Variants in PRKN observed in about 807,000 individuals in gnomAD.
PRKN encodes the protein parkin RBR E3 ubiquitin protein ligase, also known as E3 ubiquitin-protein ligase parkin.
PRKN carries 56 observed loss-of-function variants against 59.5 expected under a neutral mutation model. That is an observed-to-expected ratio of 0.94 (90% CI 0.76 to 1.18). The LOEUF (loss-of-function observed/expected upper bound fraction) is 1.18. Ranked by LOEUF, PRKN falls within the 50% of genes most tolerant of loss-of-function variation. The probability of loss-of-function intolerance (pLI) is 0.00; values close to 1 mark genes in which losing one functional copy is unlikely to be tolerated. For missense variants in PRKN, 657 were observed against 596.4 expected (o/e 1.10, Z -1.06); for synonymous variants, 250 against 222.1 (o/e 1.13, Z -1.12).
At chr6:161,689,925 G>A (rs1224424977) in intron 7 of PRKN, among the ~76,000 whole-genome samples, 1 of 116,648 alleles carries the variant, frequency 8.6e-6, no homozygotes. Flanking sequence ...GGCCAGGCTG[G>A]TCTCGAGCTC....
chr6:162,458,993 G>GT (rs895597885), intron 1 of PRKN, among the ~76,000 whole-genome samples: 13 of 151,826 alleles, frequency 8.6e-5, no homozygotes, highest in East Asian at 1.9e-4. Context: ...GCTAATTTTT[G>GT]TTTTTTTAGT....
intron 4 of PRKN, among the ~76,000 whole-genome samples, chr6:162,153,090 C>A (rs1026345133): frequency 6.6e-6 from 1 of 152,222 alleles, no homozygotes; most frequent in Non-Finnish European, 1.5e-5. Context: ...GTGTTCAAGG[C>A]TAGAAAATAG....
intron 6 of PRKN, among the ~76,000 whole-genome samples, chr6:161,874,907 A>G (rs1168757577): frequency 9.2e-6 from 1 of 109,066 alleles, no homozygotes; most frequent in East Asian, 2.6e-4. Context: ...TATAATATAT[A>G]TTATAAAATA....
At chr6:162,398,220 T>C (rs1787573196) in intron 2 of PRKN, among the ~76,000 whole-genome samples, 1 of 152,124 alleles carries the variant, frequency 6.6e-6, no homozygotes, top group Non-Finnish European at 1.5e-5. Context: ...AAAAGGCTTC[T>C]AGTATCATTT....
chr6:162,727,368 A>C, intron 1 of PRKN: 1 of 421,014 alleles, frequency 2.4e-6, no homozygotes, highest in East Asian at 5.0e-5. Context: ...GGTCCGGGGG[A>C]CCGCGAACGA....
chr6:162,295,080 G>C (rs549256315), intron 2 of PRKN, among the ~76,000 whole-genome samples: 1 of 152,308 alleles, frequency 6.6e-6, no homozygotes, highest in East Asian at 1.9e-4. Context: ...ATATTAACTA[G>C]GCAAGTTGTA....
At chr6:162,306,412 G>C (rs1046545544) in intron 2 of PRKN, among the ~76,000 whole-genome samples, 1 of 152,188 alleles carries the variant, frequency 6.6e-6, no homozygotes, top group Non-Finnish European at 1.5e-5. Context: ...ATTACTTCTT[G>C]TGCATCTAAA....
At position 161,867,740 on chromosome 6, in the gene PRKN, CATTT is replaced by C. The variant is rs58083987; in HGVS notation, c.735-81836_735-81833del. On this transcript the variant is annotated intron_variant, in intron 6 of 11. Transcript: ENST00000366898. Reference sequence around the variant, plus strand: ...ATTAGCAATCATGGGAAAAATCTTTCATTTATTTATTTATTTATTTATTTATTTA... The same window carrying C: ...ATTAGCAATCATGGGAAAAATCTTTCATTTATTTATTTATTTATTTATTTA... 5.8e-3 allele frequency among the ~76,000 whole-genome samples: 800 copies of C among 137,600 alleles called. 7 individuals are homozygous for C. The highest frequency in any genetic ancestry group is 0.022 in the African/African-American group (740 of 34,194). The allele number at this position is 137,600 out of a possible 152,430, so 90.3% of individuals were successfully genotyped here.
intron 5 of PRKN, among the ~76,000 whole-genome samples, chr6:162,003,675 C>T (rs1212156734): frequency 6.6e-6 from 1 of 152,116 alleles, no homozygotes; most frequent in African/African-American, 2.4e-5. Flanking sequence ...TATAAATATA[C>T]CATAACTTGT....
In PRKN at chr6:161,475,509, T is replaced by A. The variant is rs915194379; in HGVS notation, c.1083+73345A>T. On this transcript the variant is annotated intron_variant, in intron 9 of 11. Coordinates refer to ENST00000366898, the MANE Select transcript of PRKN (RefSeq NM_004562.3). The surrounding 1 kb of genome is among the most constrained non-coding windows in gnomAD (Gnocchi z 5.3). ...ACGGTATTGACTTGTTATTTTTATT[T>A]ACATATATTTTTGAGACGAGGTCTC... 1.3e-5 allele frequency among the ~76,000 whole-genome samples: 2 copies of A among 152,218 alleles called. No individual in the cohort carries two copies. Among genetic ancestry groups the A allele is most frequent in the Non-Finnish European group, 2.9e-5 (2 of 68,038 alleles).
chr6:162,607,461 A>C (rs986852971), intron 1 of PRKN, among the ~76,000 whole-genome samples: 4 of 152,104 alleles, frequency 2.6e-5, no homozygotes, highest in African/African-American at 9.7e-5. Flanking sequence ...CAGAAGCACA[A>C]CTTTACCCAT....
At chr6:162,284,344 C>T (rs150168881) in intron 2 of PRKN, among the ~76,000 whole-genome samples, 78 of 150,930 alleles carry the variant, frequency 5.2e-4, no homozygotes, top group African/African-American at 1.7e-3. Context: ...CTTGCCTCAG[C>T]CTCCCAAGTA....
intron 6 of PRKN, among the ~76,000 whole-genome samples, chr6:161,853,138 G>A (rs1793505366): frequency 6.6e-6 from 1 of 152,204 alleles, no homozygotes. Flanking sequence ...GAAGACAGCA[G>A]GTGGAGGTTA....
At chr6:161,902,524 G>A (rs1014967566) in intron 6 of PRKN, among the ~76,000 whole-genome samples, 2 of 133,064 alleles carry the variant, frequency 1.5e-5, no homozygotes, top group Non-Finnish European at 3.1e-5. Flanking sequence ...ATAGACATCC[G>A]TCTATCTATC....
intron 8 of PRKN, among the ~76,000 whole-genome samples, chr6:161,565,959 C>T (rs1372405817): frequency 6.6e-6 from 1 of 152,186 alleles, no homozygotes; most frequent in African/African-American, 2.4e-5. Context: ...CCCATGCCTA[C>T]ATCCAAGGAC....
intron 3 of PRKN, among the ~76,000 whole-genome samples, chr6:162,208,551 A>C (rs1562581774): frequency 1.3e-5 from 2 of 152,098 alleles, no homozygotes; most frequent in African/African-American, 2.4e-5. Context: ...TTTCATTTTG[A>C]AAATAATAAT....
At chr6:162,157,489 G>A (rs2023055) in intron 4 of PRKN, among the ~76,000 whole-genome samples, 142,682 of 152,118 alleles carry the variant, frequency 0.94, 67,422 homozygotes, top group Non-Finnish European at 1. Context: ...TGCTCCAGCT[G>A]AAAGATGGTC....
rs1246078756 is a variant in PRKN at position 161,377,272 on chromosome 6, G to A, written c.1167+9522C>T. Reference sequence around the variant, plus strand: ...AGCAATTGTCATAAGACAGAAGTGGGGCATCTAGGCCCAGGCCCAAGCAGG... The same window carrying A: ...AGCAATTGTCATAAGACAGAAGTGGAGCATCTAGGCCCAGGCCCAAGCAGG... On this transcript the variant is annotated intron_variant, in intron 10 of 11. Coordinates refer to ENST00000366898, the MANE Select transcript of PRKN (RefSeq NM_004562.3). This position sits in a 1 kb window ranked among gnomAD's most constrained non-coding sequence, Gnocchi z 4.2. Among the ~76,000 whole-genome samples, 1 of 152,214 alleles carries A rather than the reference G, an allele frequency of 6.6e-6. No homozygotes were observed. The highest frequency in any genetic ancestry group is 1.5e-5 in the Non-Finnish European group (1 of 68,034).
At chr6:161,481,281 A>AG (rs2115240523) in intron 9 of PRKN, among the ~76,000 whole-genome samples, 1 of 152,288 alleles carries the variant, frequency 6.6e-6, no homozygotes, top group East Asian at 1.9e-4. Context: ...TACCCAGTAC[A>AG]GGGGGCAGAA....
Sources: allele counts gnomAD v4.1 joint callset (sites outside exome capture counted in the v4.1 genomes callset), GRCh38; gene constraint gnomAD v4.1.1; non-coding constraint Gnocchi (gnomAD v3.1); transcripts MANE v1.5; gene names NCBI Gene and HGNC (gene_info 2026-07-23, HGNC 2026-07-21).